Variants in HSPA12A observed in about 807,000 individuals in gnomAD.
The protein encoded by HSPA12A is heat shock protein family A (Hsp70) member 12A.
In HSPA12A, 28 loss-of-function variants were observed where a neutral mutation model predicts 69.2. The ratio of observed to expected loss-of-function variants is 0.40; its 90% CI spans 0.30 to 0.55. The LOEUF (loss-of-function observed/expected upper bound fraction) is 0.55, where lower values mean the gene tolerates loss of function less well. Among genes scored for constraint, HSPA12A ranks in the 20% least tolerant of loss-of-function variants. The pLI, the probability that HSPA12A is intolerant of heterozygous loss-of-function variation, is 0.38. For synonymous variants in HSPA12A, 345 were observed against 370.5 expected, an observed-to-expected ratio of 0.93 and a Z score of 0.79; for missense variants, 686 against 900.7, an observed-to-expected ratio of 0.76 and a Z score of 3.05.
intron 2 of HSPA12A, among the ~76,000 whole-genome samples, chr10:116,771,541 T>C (rs1233322529): frequency 2.0e-5 from 3 of 152,206 alleles, no homozygotes; most frequent in Admixed American, 2.0e-4. Flanking sequence ...CTGAATCATT[T>C]CCAGGGCCTA....
At chr10:116,745,702 C>A (rs1476466020), upstream of HSPA12A, among the ~76,000 whole-genome samples, 3 of 152,170 alleles carry the variant, frequency 2.0e-5, no homozygotes, top group African/African-American at 4.8e-5. Flanking sequence ...AGGTAACCAA[C>A]CCTGTCTCTT....
intron 2 of HSPA12A, chr10:116,829,196 A>C (rs944896178): frequency 2.0e-5 from 3 of 152,204 alleles, no homozygotes; most frequent in Non-Finnish European, 4.4e-5. Flanking sequence ...GTCTCATGAG[A>C]TCTGACAGTT....
chr10:116,775,601 C>T (rs1299696542), intron 2 of HSPA12A, among the ~76,000 whole-genome samples: 3 of 152,186 alleles, frequency 2.0e-5, no homozygotes, highest in Admixed American at 6.5e-5. Context: ...AAGGACCTCC[C>T]GCCTCTCCCC....
upstream of HSPA12A, among the ~76,000 whole-genome samples, chr10:116,747,517 A>T (rs1356094043): frequency 1.3e-5 from 2 of 152,204 alleles, no homozygotes; most frequent in Non-Finnish European, 2.9e-5. Context: ...CAGAGAAGAG[A>T]AACTGGCATG....
chr10:116,786,029 G>A (rs1305623621), intron 2 of HSPA12A, among the ~76,000 whole-genome samples: 2 of 152,130 alleles, frequency 1.3e-5, no homozygotes, highest in Non-Finnish European at 2.9e-5. Flanking sequence ...CTGATCTAAC[G>A]CCCACCTGTG....
chr10:116,705,769 C>T (rs901071025), intron 2 of HSPA12A, among the ~76,000 whole-genome samples: 1 of 152,222 alleles, frequency 6.6e-6, no homozygotes, highest in Non-Finnish European at 1.5e-5. Context: ...CTGGGCATCC[C>T]AGGACCGTGT....
upstream of HSPA12A, among the ~76,000 whole-genome samples, chr10:116,743,067 G>A (rs1198173860): frequency 1.6e-4 from 17 of 108,364 alleles, no homozygotes; most frequent in African/African-American, 5.6e-4. Flanking sequence ...CCCCGGCGCG[G>A]GCAGGACCCA....
chr10:116,758,011 C>A (rs1589688771), intron 2 of HSPA12A, among the ~76,000 whole-genome samples: 1 of 152,196 alleles, frequency 6.6e-6, no homozygotes, highest in Non-Finnish European at 1.5e-5. Context: ...TTTTTCTTCC[C>A]ACTTCTCCAC....
In HSPA12A at chr10:116,810,779, C is replaced by T. The variant is rs2133182384; in HGVS notation, c.91+24156G>A. Reference sequence around the variant, plus strand: ...TCTGATGTAGGCTCAAGTTTGAGAACCAGTGCGCTAATCAAATTTCCCCTA... The same window carrying T: ...TCTGATGTAGGCTCAAGTTTGAGAATCAGTGCGCTAATCAAATTTCCCCTA... On this transcript the variant is annotated intron_variant, in intron 2 of 12. Transcript: ENST00000635765. Among the ~76,000 whole-genome samples, 4 of 152,234 alleles carry T rather than the reference C, an allele frequency of 2.6e-5. No homozygotes were observed. In the Middle Eastern group the frequency reaches 0.01, roughly 388 times the overall value.
chr10:116,778,571 A>G (rs782522245), intron 2 of HSPA12A, among the ~76,000 whole-genome samples: 3 of 152,162 alleles, frequency 2.0e-5, no homozygotes, highest in Non-Finnish European at 4.4e-5. Flanking sequence ...CTGTCAGCAC[A>G]TTCCCCATAA....
chr10:116,763,809 T>C (rs1434820213), intron 2 of HSPA12A, among the ~76,000 whole-genome samples: 1 of 152,204 alleles, frequency 6.6e-6, no homozygotes, highest in Admixed American at 6.5e-5. Context: ...AAGGACAGCA[T>C]AGACTGAAGC....
rs60517749 is a variant in HSPA12A at position 116,702,122 on chromosome 10, CAG to C, written c.255-995_255-994del. Among the ~76,000 whole-genome samples, 465 of 148,896 alleles carry C rather than the reference CAG, an allele frequency of 3.1e-3. 2 individuals are homozygous for C. The highest frequency in any genetic ancestry group is 7.9e-3 in the African/African-American group (319 of 40,514). ...AGACCCTATCTCTAAAAAGAAATGA[CAG>C]AGAGAGAGAGAGAGAGAGAGAGGCT... On this transcript the variant is annotated intron_variant, in intron 3 of 11. Coordinates refer to ENST00000369209, the MANE Select transcript of HSPA12A (RefSeq NM_025015.3).
At chr10:116,694,157 A>C (rs1849814530) in intron 5 of HSPA12A, among the ~76,000 whole-genome samples, 1 of 152,194 alleles carries the variant, frequency 6.6e-6, no homozygotes, top group Non-Finnish European at 1.5e-5. Flanking sequence ...AACAGCTTGG[A>C]AGGGAAAGGC....
intron 6 of HSPA12A, among the ~76,000 whole-genome samples, chr10:116,688,475 G>C (rs887084323): frequency 1.9e-4 from 29 of 152,352 alleles, no homozygotes; most frequent in African/African-American, 7.0e-4. Flanking sequence ...ACTCCAGGGA[G>C]ACTGAGAAGC....
At chr10:116,772,477 C>A (rs576257968) in intron 2 of HSPA12A, among the ~76,000 whole-genome samples, 5 of 152,270 alleles carry the variant, frequency 3.3e-5, no homozygotes, top group African/African-American at 1.2e-4. Flanking sequence ...CAGGAAGATG[C>A]TTTCAGGGAA....
In HSPA12A at chr10:116,705,149, A is replaced by G. The variant is rs549193727; in HGVS notation, c.254+2T>C. ...CGTGGCCCTCCCACCCACAGCACTC[A>G]CCTCATCACATGGATGCATTCCGGC... On this transcript the variant is annotated splice_donor_variant, in intron 3 of 11. Transcript: ENST00000369209. LOFTEE classifies it high-confidence loss of function. 6.2e-7 allele frequency: 1 copy of G among 1,614,030 alleles called. No homozygotes were observed. Among genetic ancestry groups the G allele is most frequent in the Admixed American group, 1.7e-5 (1 of 60,024 alleles).
At chr10:116,677,337 C>T (rs1554877868) in intron 10 of HSPA12A, among the ~76,000 whole-genome samples, 1 of 152,218 alleles carries the variant, frequency 6.6e-6, no homozygotes, top group East Asian at 1.9e-4. Context: ...GCAAAGTGCA[C>T]ACCAGCAGCT....
At chr10:116,689,928 A>T (rs1216322037) in intron 6 of HSPA12A, among the ~76,000 whole-genome samples, 1 of 152,130 alleles carries the variant, frequency 6.6e-6, no homozygotes, top group Non-Finnish European at 1.5e-5. Context: ...CACCTTCCTC[A>T]AGGAGGGCCA....
At chr10:116,724,876 A>C (rs577578306) in intron 1 of HSPA12A, among the ~76,000 whole-genome samples, 11 of 152,214 alleles carry the variant, frequency 7.2e-5, no homozygotes, top group Non-Finnish European at 1.2e-4. Context: ...CAGGACCCCC[A>C]GTCTCTAACA....
Sources: gnomAD v4.1 joint callset for allele counts (sites outside exome capture counted in the v4.1 genomes callset) on GRCh38, gnomAD v4.1.1 for gene constraint, MANE v1.5 for transcripts, NCBI Gene and HGNC (gene_info 2026-07-23, HGNC 2026-07-21) for gene names.